The following MAST4 variants were observed in gnomAD, a reference collection of about 807,000 sequenced individuals.
MAST4 encodes the protein microtubule associated serine/threonine kinase family member 4.
In MAST4, 89 loss-of-function variants were observed where a neutral mutation model predicts 162.7. The ratio of observed to expected loss-of-function variants is 0.55; its 90% CI spans 0.46 to 0.65. The LOEUF (loss-of-function observed/expected upper bound fraction) is 0.65. Among genes scored for constraint, MAST4 ranks in the 30% least tolerant of loss-of-function variants. The pLI, the probability that MAST4 is intolerant of heterozygous loss-of-function variation, is 0.00. For synonymous variants in MAST4, 1,479 were observed against 1,361.1 expected, an observed-to-expected ratio of 1.09 and a Z score of -1.91; for missense variants, 3,153 against 3,374.0, an observed-to-expected ratio of 0.93 and a Z score of 1.62.
At chr5:66,813,424 C>T (rs1316738497) in intron 3 of MAST4, among the ~76,000 whole-genome samples, 1 of 152,084 alleles carries the variant, frequency 6.6e-6, no homozygotes, top group African/African-American at 2.4e-5. Flanking sequence ...TGAAAGGAAA[C>T]AGTTTATTAA....
At chr5:67,063,626 C>CT (rs35295218) in intron 5 of MAST4, among the ~76,000 whole-genome samples, 39,788 of 146,706 alleles carry the variant, frequency 0.27, 5,256 homozygotes, top group African/African-American at 0.29. Flanking sequence ...GTGGTAGCAA[C>CT]TTTTTTTTTT....
At chr5:67,017,783 G>A (rs936070991) in intron 4 of MAST4, among the ~76,000 whole-genome samples, 1 of 151,782 alleles carries the variant, frequency 6.6e-6, no homozygotes, top group Non-Finnish European at 1.5e-5. Flanking sequence ...GTTTTTAGTA[G>A]AGACGGGGTT....
intron 5 of MAST4, among the ~76,000 whole-genome samples, chr5:67,089,487 C>T (rs961016443): frequency 3.3e-5 from 5 of 152,148 alleles, no homozygotes; most frequent in Non-Finnish European, 7.3e-5. Context: ...GCTGCCTGGC[C>T]AGTCACAGTC....
chr5:66,763,531 A>G lies in MAST4; in HGVS notation c.517+3669A>G, dbSNP rs1322068196. Among the ~76,000 whole-genome samples, 5 of 152,212 alleles carry G rather than the reference A, an allele frequency of 3.3e-5. No individual in the cohort carries two copies. The East Asian group carries it at 9.6e-4, about 29-fold the overall frequency. ...TTTCATATTATCTAAATAGCTGGCAAATGAATACTGCTTAAACATATTATG... is the reference window on the plus strand; with the variant it reads ...TTTCATATTATCTAAATAGCTGGCAGATGAATACTGCTTAAACATATTATG... On this transcript the variant is annotated intron_variant, in intron 2 of 28. Transcript: ENST00000403625.
intron 1 of MAST4, among the ~76,000 whole-genome samples, chr5:66,640,022 A>G (rs745312934): frequency 3.3e-5 from 5 of 152,154 alleles, no homozygotes; most frequent in Non-Finnish European, 5.9e-5. Flanking sequence ...CATGCTGTAC[A>G]TTTGATCTTT....
In MAST4 at chr5:67,165,202, C is replaced by T. The variant is rs890691306; in HGVS notation, c.6023C>T (p.Thr2008Ile). ...MELCFPETAK[T>I]SDNSKNLLSV... ...CTGTGCTTTCCAGAAACTGCGAAAA[C>T]CAGTGACAACTCCAAAAATCTCCTC... The change falls in exon 29 of 29, where the codon ACC becomes ATC. Residue 2008 changes from threonine to isoleucine, a missense_variant. Physicochemically the swap from Thr to Ile is moderately conservative, Grantham distance 89. This residue lies in a region of MAST4 where 1,644 missense variants were observed against 1,495.0 expected (regional missense o/e 1.10). Coordinates refer to ENST00000403625, the MANE Select transcript of MAST4 (RefSeq NM_001164664.2). 5.6e-6 allele frequency: 9 copies of T among 1,610,226 alleles called. No homozygotes were observed. Among genetic ancestry groups the T allele is most frequent in the Non-Finnish European group, 8.5e-7 (1 of 1,178,296 alleles).
At chr5:66,910,120 A>G (rs972348528) in intron 4 of MAST4, among the ~76,000 whole-genome samples, 3 of 152,244 alleles carry the variant, frequency 2.0e-5, no homozygotes, top group African/African-American at 7.2e-5. Flanking sequence ...TATGGACCCA[A>G]TAAAGGGTAG....
intron 4 of MAST4, among the ~76,000 whole-genome samples, chr5:66,948,028 T>A (rs1744238009): frequency 6.6e-6 from 1 of 152,134 alleles, no homozygotes; most frequent in Non-Finnish European, 1.5e-5. Flanking sequence ...GTGGACTGTC[T>A]CTCTTATGCA....
chr5:66,764,262 C>A (rs1753983637), intron 2 of MAST4, among the ~76,000 whole-genome samples: 1 of 152,162 alleles, frequency 6.6e-6, no homozygotes, highest in Admixed American at 6.5e-5. Flanking sequence ...TTTAGACCAG[C>A]AGCTACCAAA....
In MAST4 at chr5:67,162,595, G is replaced by GT. The variant is rs1278279232; in HGVS notation, c.3786-7dup. ...AAAGAAGACTGAACAATTTTTTCCT[G>GT]TTTTTCTGTAGGAGGAGATCTCTTT... is the stretch of plus-strand genomic sequence containing the variant. On this transcript the variant is annotated splice_polypyrimidine_tract_variant and intron_variant, in intron 27 of 28. Coordinates refer to ENST00000403625, the MANE Select transcript of MAST4 (RefSeq NM_001164664.2). 9 of 1,611,674 alleles carry GT rather than the reference G, an allele frequency of 5.6e-6. No homozygotes were observed. Among genetic ancestry groups the GT allele is most frequent in the Non-Finnish European group, 7.6e-6 (9 of 1,178,928 alleles).
chr5:66,623,960 C>T (rs1418712204), intron 1 of MAST4, among the ~76,000 whole-genome samples: 1 of 151,966 alleles, frequency 6.6e-6, no homozygotes, highest in Non-Finnish European at 1.5e-5. Context: ...ATCTGTACAT[C>T]AACAATAAAC....
chr5:67,054,303 C>A lies in MAST4; in HGVS notation c.675-101C>A, dbSNP rs116577066. ...GTAATAATTTTAACAATAACATGAG[C>A]AGATAGGTTGCTCAACCTGGTCCAT... On this transcript the variant is annotated intron_variant, in intron 4 of 28. Transcript: ENST00000403625. 1,873 of 816,926 alleles carry A rather than the reference C, an allele frequency of 2.3e-3. 22 individuals carry two copies. The African/African-American group carries it at 0.027, about 12-fold the overall frequency. 50.6% of individuals were successfully genotyped at this position (816,926 alleles called of 1,614,324 possible).
At chr5:66,649,459 T>C (rs1370538341) in intron 1 of MAST4, among the ~76,000 whole-genome samples, 1 of 152,192 alleles carries the variant, frequency 6.6e-6, no homozygotes, top group East Asian at 1.9e-4. Context: ...CCTTTTGGTG[T>C]TCACAGCCAT....
intron 3 of MAST4, among the ~76,000 whole-genome samples, chr5:66,847,733 A>G (rs187927328): frequency 7.0e-6 from 1 of 143,794 alleles, no homozygotes; most frequent in East Asian, 2.2e-4. Flanking sequence ...AGGCACTAGA[A>G]TCACTTGAAC....
chr5:66,967,129 A>G (rs989549064), intron 4 of MAST4, among the ~76,000 whole-genome samples: 4 of 152,148 alleles, frequency 2.6e-5, no homozygotes, highest in African/African-American at 9.7e-5. Context: ...GATGGGTCAG[A>G]TTTGTTCTTT....
chr5:66,965,596 G>C lies in MAST4; in HGVS notation c.674+65614G>C, dbSNP rs1183574421. Among the ~76,000 whole-genome samples, 52 of 118,264 alleles carry C rather than the reference G, an allele frequency of 4.4e-4. 3 individuals are homozygous for C. Among genetic ancestry groups the C allele is most frequent in the Admixed American group, 9.7e-4 (11 of 11,354 alleles). 77.6% of individuals were successfully genotyped at this position (118,264 alleles called of 152,430 possible). ...GAGGGATTGGTGGGGGCGGGGGGGGGGGCGGTGAAGGATAAAACCAGACAG... is the reference window on the plus strand; with the variant it reads ...GAGGGATTGGTGGGGGCGGGGGGGGCGGCGGTGAAGGATAAAACCAGACAG... On this transcript the variant is annotated intron_variant, in intron 4 of 28. Transcript: ENST00000403625.
In MAST4 at chr5:66,812,070, G is replaced by A. The variant is rs117280796; in HGVS notation, c.642+23276G>A. Among the ~76,000 whole-genome samples the A allele has an allele frequency of 1.2e-3, 177 of 152,200 alleles. 1 individual carries two copies. In the East Asian group the frequency reaches 0.028, roughly 24 times the overall value. On this transcript the variant is annotated intron_variant, in intron 3 of 28. Coordinates refer to ENST00000403625, the MANE Select transcript of MAST4 (RefSeq NM_001164664.2). ...TGTTTGGGTCGGGAGGGAGAGAACCGCAAACAACATGATGCAAGGCTGGCG... is the reference window on the plus strand; with the variant it reads ...TGTTTGGGTCGGGAGGGAGAGAACCACAAACAACATGATGCAAGGCTGGCG...
chr5:66,907,206 A>AGAGAGAGG (rs1280692171), intron 4 of MAST4, among the ~76,000 whole-genome samples: 1 of 78,038 alleles, frequency 1.3e-5, no homozygotes, highest in African/African-American at 4.8e-5. Flanking sequence ...AGAGAGAGAG[A>AGAGAGAGG]GTCCTGCTAG....
rs1162887512 is a variant in MAST4 at position 67,132,036 on chromosome 5, G to A, written c.2093+85G>A. On this transcript the variant is annotated intron_variant, in intron 16 of 28. Transcript: ENST00000403625. The stretch of plus-strand genomic sequence containing the variant: ...ATAAAGATGTTTTCTTTTAGTCAAT[G>A]TACATTTTTAAATTATTCCATAATG... The A allele has an allele frequency of 4.9e-6, 7 of 1,428,806 alleles. No homozygotes were observed. The Admixed American group carries it at 1.5e-4, about 30-fold the overall frequency. The allele number at this position is 1,428,806 out of a possible 1,614,324, so 88.5% of individuals were successfully genotyped here. A position where few individuals can be genotyped will look rare whatever the true frequency, so the allele number is the denominator to read the frequency against.
Sources: allele counts gnomAD v4.1 joint callset (sites outside exome capture counted in the v4.1 genomes callset), GRCh38; gene constraint gnomAD v4.1.1; regional missense constraint gnomAD v4.1.1; transcripts MANE v1.5; gene names NCBI Gene and HGNC (gene_info 2026-07-23, HGNC 2026-07-21).